The following CMTM4 variants were observed in gnomAD, a reference collection of about 807,000 sequenced individuals.
CMTM4 encodes the protein CKLF-like MARVEL transmembrane domain-containing protein 4.
A neutral mutation model predicts 19.0 loss-of-function variants in CMTM4; 8 were observed. The observed-to-expected ratio is 0.42, with a 90% CI of 0.25 to 0.76. CMTM4 has a LOEUF of 0.76. CMTM4 is among the 30% of genes least tolerant of loss of function. The pLI is 0.27. For missense variants in CMTM4, 228 were observed against 290.2 expected, an observed-to-expected ratio of 0.79 and a Z score of 1.56; for synonymous variants, 106 against 121.1, an observed-to-expected ratio of 0.88 and a Z score of 0.82.
At chr16:66,681,983 G>A (rs1820630587) in intron 1 of CMTM4, among the ~76,000 whole-genome samples, 1 of 152,154 alleles carries the variant, frequency 6.6e-6, no homozygotes, top group Non-Finnish European at 1.5e-5. Context: ...ATGGCCACAA[G>A]TGCTTCCTGC....
chr16:66,696,590 C>CT lies in CMTM4; in HGVS notation c.-66_-65insA. ...CGGCGCCAGGAGCGGGCGGACTCAG[C>CT]GGGGCCGCCGCATCGCCGCCGCCGC... On this transcript the variant is annotated 5_prime_UTR_variant, in exon 1 of 4. It removes the in-frame stop codon of an upstream open reading frame in the 5' UTR. Transcript: ENST00000394106. This position sits in a 1 kb window ranked among gnomAD's most constrained non-coding sequence, Gnocchi z 4.3. 1.0e-6 allele frequency: 1 copy of CT among 997,756 alleles called. No individual in the cohort carries two copies. Among genetic ancestry groups the CT allele is most frequent in the African/African-American group, 1.8e-5 (1 of 57,118 alleles). The allele number at this position is 997,756 out of a possible 1,614,324, so 61.8% of individuals were successfully genotyped here. A position where few individuals can be genotyped will look rare whatever the true frequency, so the allele number is the denominator to read the frequency against.
At chr16:66,681,080 T>C (rs1057317949) in intron 1 of CMTM4, among the ~76,000 whole-genome samples, 8 of 152,096 alleles carry the variant, frequency 5.3e-5, no homozygotes, top group Non-Finnish European at 1.0e-4. Flanking sequence ...ATAGTATATT[T>C]TATGCAATCC....
intron 1 of CMTM4, among the ~76,000 whole-genome samples, chr16:66,648,840 C>T (rs1356444576): frequency 6.6e-6 from 1 of 151,884 alleles, no homozygotes; most frequent in South Asian, 2.1e-4. Flanking sequence ...GGTGTGGTAG[C>T]GCAGGCCTAT....
intron 1 of CMTM4, among the ~76,000 whole-genome samples, chr16:66,685,207 T>G (rs1482438501): frequency 1.3e-5 from 2 of 152,184 alleles, no homozygotes; most frequent in South Asian, 2.1e-4. Context: ...CTGGGAAAAT[T>G]TATTATCTGT....
chr16:66,658,209 A>AAGGGAGGT (rs2016433145), intron 1 of CMTM4, among the ~76,000 whole-genome samples: 1 of 142,466 alleles, frequency 7.0e-6, no homozygotes, highest in East Asian at 2.4e-4. Flanking sequence ...AAAGGGAAAG[A>AAGGGAGGT]AGGGAGGTAG....
Position 66,622,977 on chromosome 16 carries a change from C to T in CMTM4, c.462+427G>A, listed in dbSNP as rs995422381. Reference sequence around the variant, plus strand: ...CCTACATTATCTGGTCCCCACCTGCCGTGGCATTTCCACCTTGAAATGTCA... The same window carrying T: ...CCTACATTATCTGGTCCCCACCTGCTGTGGCATTTCCACCTTGAAATGTCA... On this transcript the variant is annotated intron_variant, in intron 3 of 3. Coordinates refer to ENST00000394106, the MANE Select transcript of CMTM4 (RefSeq NM_181521.3). The surrounding 1 kb of genome is among the most constrained non-coding windows in gnomAD (Gnocchi z 4.0). 6.6e-6 allele frequency among the ~76,000 whole-genome samples: 1 copy of T among 152,182 alleles called. No individual in the cohort carries two copies. The highest frequency in any genetic ancestry group is 2.4e-5 in the African/African-American group (1 of 41,426).
intron 1 of CMTM4, among the ~76,000 whole-genome samples, chr16:66,678,162 T>G (rs2016842230): frequency 6.6e-6 from 1 of 152,044 alleles, no homozygotes; most frequent in Non-Finnish European, 1.5e-5. Context: ...GGCAACACAG[T>G]GAGGCCTCAT....
chr16:66,645,936 G>A (rs1004160125), intron 1 of CMTM4, among the ~76,000 whole-genome samples: 8 of 152,206 alleles, frequency 5.3e-5, no homozygotes, highest in East Asian at 1.9e-4. Context: ...CTGAGATTGC[G>A]CCACTGTACT....
chr16:66,623,832 T>C (rs1431539720), intron 2 of CMTM4, among the ~76,000 whole-genome samples: 1 of 152,234 alleles, frequency 6.6e-6, no homozygotes. Flanking sequence ...CATCTTGCTA[T>C]GGACAAAGCT....
intron 1 of CMTM4, among the ~76,000 whole-genome samples, chr16:66,637,811 C>T (rs2144813597): frequency 6.6e-6 from 1 of 152,338 alleles, no homozygotes; most frequent in South Asian, 2.1e-4. Context: ...CCGCTGCTTC[C>T]AGGCTGGCCT....
intron 2 of CMTM4, 89 bp from the exon 3 acceptor site, chr16:66,623,591 C>T (rs574605028): frequency 2.3e-5 from 19 of 824,582 alleles, no homozygotes; most frequent in African/African-American, 2.3e-4. Context: ...ATAAGACCCA[C>T]GATACCCAAC....
chr16:66,612,702 C>T (rs1248570930), downstream of CMTM4: 23 of 1,510,830 alleles, frequency 1.5e-5, no homozygotes, highest in East Asian at 2.3e-4. The surrounding 1 kb of genome is among the most constrained non-coding windows in gnomAD (Gnocchi z 6.0). Flanking sequence ...TCACAGGGGT[C>T]GCTGGCGTTG....
At chr16:66,661,925 T>TC (rs2016506093) in intron 1 of CMTM4, among the ~76,000 whole-genome samples, 1 of 151,896 alleles carries the variant, frequency 6.6e-6, no homozygotes, top group Admixed American at 6.6e-5. Context: ...AGAGCAAGAC[T>TC]CTGTCTCAAA....
At chr16:66,688,527 A>AACAC (rs59727449) in intron 1 of CMTM4, among the ~76,000 whole-genome samples, 2,005 of 148,570 alleles carry the variant, frequency 0.013, 46 homozygotes, top group African/African-American at 0.044. Context: ...CACTCCCCTC[A>AACAC]ACACACACAC....
At chr16:66,607,042 T>A in the CMTM4 span, among the ~76,000 whole-genome samples, 1 of 152,046 alleles carries the variant, frequency 6.6e-6, no homozygotes, top group African/African-American at 2.4e-5. Flanking sequence ...CAGCCCTGGG[T>A]TCAAATTCTA....
In CMTM4 at chr16:66,622,391, A is replaced by G. The variant is rs115131110; in HGVS notation, c.463-169T>C. The stretch of plus-strand genomic sequence containing the variant: ...CCCTCTCAGCAGCCCCATTTGATCT[A>G]AAGTCTTGTTTCAAATACATATGAC... On this transcript the variant is annotated intron_variant, in intron 3 of 3. Transcript: ENST00000394106. The surrounding 1 kb of genome is among the most constrained non-coding windows in gnomAD (Gnocchi z 4.0). 5.2e-3 allele frequency among the ~76,000 whole-genome samples: 787 copies of G among 152,180 alleles called. 6 individuals carry two copies. The highest frequency in any genetic ancestry group is 0.017 in the African/African-American group (692 of 41,510).
the CMTM4 span, among the ~76,000 whole-genome samples, chr16:66,601,265 A>G: frequency 5.1e-4 from 78 of 152,332 alleles, no homozygotes; most frequent in Non-Finnish European, 8.5e-4. Context: ...TGAGGTACAC[A>G]GACAAGTGGA....
rs2015626389 is a variant in CMTM4, at chr16:66,621,131, C to T, written c.*927G>A. ...AGGCATTTAGAAAATTAGCACACATCCCTAAAATAGAGGGGTGTGTGTGTG... is the reference window on the plus strand; with the variant it reads ...AGGCATTTAGAAAATTAGCACACATTCCTAAAATAGAGGGGTGTGTGTGTG... On this transcript the variant is annotated 3_prime_UTR_variant, in exon 4 of 4. Coordinates refer to ENST00000394106, the MANE Select transcript of CMTM4 (RefSeq NM_181521.3). The T allele has an allele frequency of 2.0e-6, 2 of 985,842 alleles. No homozygotes were observed. The highest frequency in any genetic ancestry group is 2.4e-6 in the Non-Finnish European group (2 of 829,946). 61.1% of individuals were successfully genotyped at this position (985,842 alleles called of 1,614,324 possible).
At chr16:66,688,724 T>C (rs2017082077) in intron 1 of CMTM4, among the ~76,000 whole-genome samples, 1 of 152,202 alleles carries the variant, frequency 6.6e-6, no homozygotes. Flanking sequence ...TATAGATCAT[T>C]TGTGGAGAAC....
Sources: gnomAD v4.1 joint callset for allele counts (sites outside exome capture counted in the v4.1 genomes callset) on GRCh38, gnomAD v4.1.1 for gene constraint, Gnocchi (gnomAD v3.1) non-coding constraint, MANE v1.5 for transcripts, NCBI Gene and HGNC (gene_info 2026-07-23, HGNC 2026-07-21) for gene names.